Variants in CCDC85A observed in about 807,000 individuals in gnomAD.
The protein encoded by CCDC85A is coiled-coil domain-containing protein 85A.
CCDC85A carries 38 observed loss-of-function variants against 50.2 expected under a neutral mutation model. That is an observed-to-expected ratio of 0.76 (90% CI 0.58 to 0.99). The LOEUF (loss-of-function observed/expected upper bound fraction) is 0.99, where lower values mean the gene tolerates loss of function less well. CCDC85A is among the 50% of genes least tolerant of loss of function. The pLI is 0.00. For synonymous variants in CCDC85A, 366 were observed against 301.4 expected, an observed-to-expected ratio of 1.21 and a Z score of -2.22; for missense variants, 820 against 742.0, an observed-to-expected ratio of 1.11 and a Z score of -1.22.
In CCDC85A at chr2:56,340,830, C is replaced by T. The variant is rs537120589; in HGVS notation, c.1241-2049C>T. On this transcript the variant is annotated intron_variant, in intron 2 of 5. Coordinates refer to ENST00000407595, the MANE Select transcript of CCDC85A (RefSeq NM_001080433.2). ...GGCGGAGGTTGTGGTGAGCCGAGAT[C>T]GCGCCACTGCACTCCAGCCTGGGCA... 1.8e-3 allele frequency among the ~76,000 whole-genome samples: 251 copies of T among 142,068 alleles called. 2 individuals carry two copies. The highest frequency in any genetic ancestry group is 1.2e-3 in the Non-Finnish European group (80 of 66,832). The allele number at this position is 142,068 out of a possible 152,430, so 93.2% of individuals were successfully genotyped here.
chr2:56,281,719 G>A (rs1671215625), intron 2 of CCDC85A, among the ~76,000 whole-genome samples: 1 of 152,072 alleles, frequency 6.6e-6, no homozygotes, highest in Admixed American at 6.5e-5. Flanking sequence ...TGAAGTGTCT[G>A]TTCATGGATT....
Position 56,342,901 on chromosome 2 carries a change from G to A in CCDC85A, c.1263G>A (p.Arg421=). 1 of 1,593,834 alleles carries A rather than the reference G, an allele frequency of 6.3e-7. No individual in the cohort carries two copies. The highest frequency in any genetic ancestry group is 8.6e-7 in the Non-Finnish European group (1 of 1,169,138). ...GMNESTLSYV[R]QLEARVRQLE... is the part of the protein sequence containing the mutation. ...TAGAATCAACCTTGTCCTATGTTAG[G>A]CAGCTGGAGGCAAGAGTAAGACAGC... The change falls in exon 3 of 6, where the codon AGG becomes AGA. Residue 421 remains arginine, a synonymous_variant. Transcript: ENST00000407595.
At chr2:56,330,086 C>A (rs1311282598) in intron 2 of CCDC85A, among the ~76,000 whole-genome samples, 1 of 150,576 alleles carries the variant, frequency 6.6e-6, no homozygotes, top group Non-Finnish European at 1.5e-5. Context: ...ATGGCATCCA[C>A]TTTTATCCTC....
intron 1 of CCDC85A, among the ~76,000 whole-genome samples, chr2:56,191,472 T>G (rs1676293355): frequency 6.6e-6 from 1 of 152,208 alleles, no homozygotes; most frequent in Non-Finnish European, 1.5e-5. Flanking sequence ...CTTGTGTGAC[T>G]TAAAGGATTT....
intron 2 of CCDC85A, 134 bp downstream of exon 2, chr2:56,193,574 T>G (rs1367695076): frequency 1.0e-6 from 1 of 964,888 alleles, no homozygotes; most frequent in Non-Finnish European, 1.5e-6. Context: ...GGAGCAAATG[T>G]TGGACCCAAA....
intron 2 of CCDC85A, among the ~76,000 whole-genome samples, chr2:56,211,076 G>A (rs144127792): frequency 2.0e-4 from 31 of 152,182 alleles, no homozygotes; most frequent in African/African-American, 7.0e-4. Flanking sequence ...ATTGTCAAGA[G>A]CATTTGAGTT....
At chr2:56,345,883 A>T (rs1034243126) in intron 3 of CCDC85A, among the ~76,000 whole-genome samples, 5 of 152,242 alleles carry the variant, frequency 3.3e-5, no homozygotes, top group African/African-American at 1.2e-4. Flanking sequence ...AGCCTAAGTT[A>T]ATCTCAATAT....
chr2:56,252,268 G>A (rs904352184), intron 2 of CCDC85A, among the ~76,000 whole-genome samples: 2 of 151,958 alleles, frequency 1.3e-5, no homozygotes, highest in East Asian at 1.9e-4. Flanking sequence ...GGCTGGTATC[G>A]AATACCTGAC....
chr2:56,263,353 C>G (rs1203598179), intron 2 of CCDC85A, among the ~76,000 whole-genome samples: 1 of 152,178 alleles, frequency 6.6e-6, no homozygotes, highest in Non-Finnish European at 1.5e-5. Flanking sequence ...TGAATGAATG[C>G]TTGGAGACAG....
chr2:56,194,822 C>A (rs932046673), intron 2 of CCDC85A, among the ~76,000 whole-genome samples: 2 of 152,286 alleles, frequency 1.3e-5, no homozygotes, highest in African/African-American at 4.8e-5. Context: ...CAAGGTTGAA[C>A]CTTCACTCAC....
At chr2:56,372,766 C>G (rs996334039) in intron 4 of CCDC85A, among the ~76,000 whole-genome samples, 1 of 152,156 alleles carries the variant, frequency 6.6e-6, no homozygotes, top group African/African-American at 2.4e-5. Flanking sequence ...GGTCAGTGGT[C>G]TTGAAAATCA....
intron 2 of CCDC85A, among the ~76,000 whole-genome samples, chr2:56,315,187 C>T (rs1005991469): frequency 1.3e-5 from 2 of 152,142 alleles, no homozygotes; most frequent in Admixed American, 6.6e-5. Flanking sequence ...TCCCATTCCA[C>T]CTCCCATGAG....
At chr2:56,195,623 T>G (rs1446063474) in intron 2 of CCDC85A, among the ~76,000 whole-genome samples, 2 of 152,236 alleles carry the variant, frequency 1.3e-5, no homozygotes, top group African/African-American at 4.8e-5. Flanking sequence ...CTGTTACAAA[T>G]TAACTTTTGA....
intron 2 of CCDC85A, among the ~76,000 whole-genome samples, chr2:56,293,688 A>G (rs1347964302): frequency 1.3e-5 from 2 of 152,218 alleles, no homozygotes; most frequent in African/African-American, 2.4e-5. Flanking sequence ...TATGCAACCA[A>G]CAAACACATG....
intron 2 of CCDC85A, among the ~76,000 whole-genome samples, chr2:56,282,081 A>G (rs1006600253): frequency 6.6e-6 from 1 of 151,990 alleles, no homozygotes; most frequent in Non-Finnish European, 1.5e-5. Flanking sequence ...TCTGTGATCC[A>G]TTTTGTTATT....
chr2:56,281,383 T>A (rs13431571), intron 2 of CCDC85A, among the ~76,000 whole-genome samples: 13,185 of 152,232 alleles, frequency 0.087, 1,864 homozygotes, highest in African/African-American at 0.3. Context: ...AATAAAGTCA[T>A]GGACATACAA....
chr2:56,374,577 G>C (rs1263536420), intron 4 of CCDC85A, among the ~76,000 whole-genome samples: 2 of 152,120 alleles, frequency 1.3e-5, no homozygotes, highest in Non-Finnish European at 2.9e-5. Flanking sequence ...GGGAGGCTGA[G>C]GCAGGAGGAT....
intron 2 of CCDC85A, among the ~76,000 whole-genome samples, chr2:56,252,101 C>T (rs1669786711): frequency 6.6e-6 from 1 of 150,412 alleles, no homozygotes; most frequent in African/African-American, 2.5e-5. Flanking sequence ...GGTTGGAGTG[C>T]AATGGCTCAA....
chr2:56,383,825 A>G, intron 5 of CCDC85A: 1 of 879,858 alleles, frequency 1.1e-6, no homozygotes, highest in African/African-American at 1.8e-5. Flanking sequence ...AACCAGGATG[A>G]TCTTGCCAAG....
Sources: gnomAD v4.1 joint callset for allele counts (sites outside exome capture counted in the v4.1 genomes callset) on GRCh38, gnomAD v4.1.1 for gene constraint, MANE v1.5 for transcripts, NCBI Gene and HGNC (gene_info 2026-07-23, HGNC 2026-07-21) for gene names.